Variants in NAA25 observed in about 807,000 individuals in gnomAD.
NAA25 encodes the protein N-terminal acetyltransferase B complex subunit NAA25.
In NAA25, 30 loss-of-function variants were observed where a neutral mutation model predicts 132.5. The observed-to-expected ratio is 0.23, with a 90% CI of 0.17 to 0.31. The LOEUF is 0.31. Among genes scored for constraint, NAA25 ranks in the 10% least tolerant of loss-of-function variants. The pLI, the probability that NAA25 is intolerant of heterozygous loss-of-function variation, is 1.00. For missense variants in NAA25, 771 were observed against 1,150.4 expected, an observed-to-expected ratio of 0.67 and a Z score of 4.77; for synonymous variants, 359 against 401.9, an observed-to-expected ratio of 0.89 and a Z score of 1.28.
At chr12:112,098,572 A>G (rs572583753) in intron 1 of NAA25, among the ~76,000 whole-genome samples, 1 of 152,340 alleles carries the variant, frequency 6.6e-6, no homozygotes, top group South Asian at 2.1e-4. Flanking sequence ...TAGTTTGGCC[A>G]TGAGGAATGG....
At chr12:112,105,302 T>G (rs2079346597) in intron 1 of NAA25, among the ~76,000 whole-genome samples, 1 of 152,086 alleles carries the variant, frequency 6.6e-6, no homozygotes, top group Non-Finnish European at 1.5e-5. Context: ...AGCCAGATCC[T>G]GTCTCAAAAA....
chr12:112,088,926 G>T (rs1160589049), intron 3 of NAA25, among the ~76,000 whole-genome samples: 1 of 151,996 alleles, frequency 6.6e-6, no homozygotes, highest in African/African-American at 2.4e-5. Context: ...GGCTGAAAGT[G>T]CATTTTTTAT....
chr12:112,080,278 CAAAA>C (rs762037242), intron 5 of NAA25, among the ~76,000 whole-genome samples: 1 of 51,212 alleles, frequency 2.0e-5, no homozygotes, highest in East Asian at 3.7e-4. Context: ...GACTCTGTCT[CAAAA>C]AAAAAAAAAA....
intron 19 of NAA25, 50 bp downstream of exon 19, chr12:112,043,038 T>A: frequency 6.6e-7 from 1 of 1,508,724 alleles, no homozygotes; most frequent in Non-Finnish European, 8.9e-7. Context: ...TTATTACGTG[T>A]ACTACATTTT....
chr12:112,104,704 C>T (rs758084212), intron 1 of NAA25, among the ~76,000 whole-genome samples: 13 of 151,934 alleles, frequency 8.6e-5, no homozygotes, highest in Admixed American at 2.0e-4. Flanking sequence ...GGCGTGGTGG[C>T]GGGCGCCTGT....
At chr12:112,042,782 C>T (rs537208558) in intron 19 of NAA25, among the ~76,000 whole-genome samples, 1 of 152,376 alleles carries the variant, frequency 6.6e-6, no homozygotes, top group Non-Finnish European at 1.5e-5. Context: ...GCTGGGATTA[C>T]AGGCGTGAGC....
intron 17 of NAA25, among the ~76,000 whole-genome samples, chr12:112,045,486 CAAA>C (rs75644384): frequency 1.2e-5 from 1 of 80,610 alleles, no homozygotes; most frequent in African/African-American, 3.3e-5. Context: ...GACTCCATCA[CAAA>C]AAAAAAAAAA....
intron 11 of NAA25, among the ~76,000 whole-genome samples, chr12:112,064,770 C>T (rs939714782): frequency 2.0e-5 from 3 of 152,310 alleles, no homozygotes; most frequent in Non-Finnish European, 1.5e-5. Flanking sequence ...TGCAGTGGCT[C>T]ACGCCTGTAA....
chr12:112,094,787 G>A (rs1187992952), intron 1 of NAA25, among the ~76,000 whole-genome samples: 2 of 152,196 alleles, frequency 1.3e-5, no homozygotes, highest in East Asian at 1.9e-4. Flanking sequence ...AGCCTCCCGA[G>A]TAGCTGGGAT....
At chr12:112,089,656 T>C (rs112984137) in intron 3 of NAA25, among the ~76,000 whole-genome samples, 7 of 152,088 alleles carry the variant, frequency 4.6e-5, no homozygotes, top group South Asian at 2.1e-4. Context: ...TAAAAAATAT[T>C]CAGGATAGCG....
chr12:112,054,515 G>A lies in NAA25; in HGVS notation c.1501C>T (p.His501Tyr), dbSNP rs781490838. 10 of 1,613,972 alleles carry A rather than the reference G, an allele frequency of 6.2e-6. No homozygotes were observed. The Admixed American group carries it at 1.2e-4, about 19-fold the overall frequency. Residue 501 changes from histidine to tyrosine, a missense_variant, in exon 14 of 24, where the codon CAT (histidine) becomes TAT (tyrosine). Physicochemically the swap from His to Tyr is moderately conservative, Grantham distance 83. Coordinates refer to ENST00000261745, the MANE Select transcript of NAA25 (RefSeq NM_024953.4). ...ALTLLEEGLT[H>Y]SPSNAQFKLL... is the part of the protein sequence containing the mutation. ...TTGAACTGAGCATTGGAAGGGCTAT[G>A]GGTTAATCCCTCTTCCAGCAAAGTC...
At chr12:112,060,893 C>T (rs2078617476) in intron 12 of NAA25, among the ~76,000 whole-genome samples, 1 of 152,090 alleles carries the variant, frequency 6.6e-6, no homozygotes, top group Non-Finnish European at 1.5e-5. Context: ...GGCCTACAAG[C>T]AGAAAATGTG....
chr12:112,074,938 A>G (rs901603569), intron 8 of NAA25, among the ~76,000 whole-genome samples, 174 bp from the exon 9 acceptor site: 1 of 152,166 alleles, frequency 6.6e-6, no homozygotes, highest in Non-Finnish European at 1.5e-5. Flanking sequence ...TTTCAAAGTA[A>G]TACTACTTTG....
chr12:112,090,121 A>T (rs2079110204), intron 3 of NAA25, among the ~76,000 whole-genome samples: 1 of 152,020 alleles, frequency 6.6e-6, no homozygotes, highest in Non-Finnish European at 1.5e-5. Context: ...TTTAGCCACT[A>T]CGCCTGGCAA....
chr12:112,068,590 T>C (rs983196932), intron 11 of NAA25, among the ~76,000 whole-genome samples: 4 of 151,812 alleles, frequency 2.6e-5, no homozygotes, highest in Admixed American at 2.0e-4. Flanking sequence ...TACATGTAAA[T>C]CGAGATGTGT....
chr12:112,057,884 G>A (rs1249090466), intron 13 of NAA25, among the ~76,000 whole-genome samples: 1 of 152,226 alleles, frequency 6.6e-6, no homozygotes, highest in East Asian at 1.9e-4. Context: ...GGGAGGCTGA[G>A]GCAGGAGAAT....
chr12:112,089,173 G>A (rs1010255822), intron 3 of NAA25, among the ~76,000 whole-genome samples: 1 of 152,088 alleles, frequency 6.6e-6, no homozygotes, highest in African/African-American at 2.4e-5. Context: ...GGCTGAGGCA[G>A]GCGGATTGCT....
At chr12:112,063,080 T>A in intron 11 of NAA25, among the ~76,000 whole-genome samples, 2 of 151,404 alleles carry the variant, frequency 1.3e-5, no homozygotes, top group African/African-American at 4.9e-5. Context: ...AAGAAAAGAA[T>A]AATACATGAA....
chr12:112,068,532 T>C (rs1315989825), intron 11 of NAA25, among the ~76,000 whole-genome samples: 9 of 152,202 alleles, frequency 5.9e-5, no homozygotes, highest in Non-Finnish European at 2.9e-5. Flanking sequence ...GATGTTGCCA[T>C]TGGGACAAAC....
Sources: allele counts gnomAD v4.1 joint callset (sites outside exome capture counted in the v4.1 genomes callset), GRCh38; gene constraint gnomAD v4.1.1; transcripts MANE v1.5; gene names NCBI Gene and HGNC (gene_info 2026-07-23, HGNC 2026-07-21).